PCDH11Y: variants seen among roughly 807,000 people sequenced by gnomAD.
PCDH11Y encodes protocadherin-11 Y-linked.
For synonymous variants in PCDH11Y, 9 were observed against 83.6 expected (o/e 0.11, Z 4.87); for missense variants, 12 against 224.8 (o/e 0.05, Z 6.05).
intron 3 of PCDH11Y, among the ~76,000 whole-genome samples, chrY:5,529,902 A>G: frequency 3.0e-5 from 1 of 33,269 alleles, no homozygotes. Context: ...TTATATGCAC[A>G]TAAAAATAAA....
intron 2 of PCDH11Y, among the ~76,000 whole-genome samples, chrY:5,157,987 T>A (rs1602877764): frequency 6.3e-3 from 209 of 33,096 alleles, no homozygotes; most frequent in Admixed American, 0.015. Context: ...AGCTAGATAT[T>A]TTTTTCTGAC....
intron 2 of PCDH11Y, among the ~76,000 whole-genome samples, chrY:5,479,807 T>C: frequency 3.0e-5 from 1 of 33,790 alleles, no homozygotes; most frequent in Non-Finnish European, 7.3e-5. Context: ...TATCCGTTCT[T>C]CCACTTTATC....
At chrY:5,177,256 CAGTT>C (rs2052894664) in intron 2 of PCDH11Y, among the ~76,000 whole-genome samples, 1 of 33,369 alleles carries the variant, frequency 3.0e-5, no homozygotes, top group African/African-American at 1.2e-4. Context: ...CTAGGAATAA[CAGTT>C]AGTACAACGC....
rs1482050401 is a variant in PCDH11Y, at chrY:5,185,141, G to A, written c.3129+84434G>A. Among the ~76,000 whole-genome samples, 9 of 32,160 alleles carry A rather than the reference G, an allele frequency of 2.8e-4. No homozygotes were observed. The East Asian group carries it at 3.4e-3, about 12-fold the overall frequency. 86.3% of individuals were successfully genotyped at this position (32,160 alleles called of 37,273 possible). A position where few individuals can be genotyped will look rare whatever the true frequency, so the allele number is the denominator to read the frequency against. On this transcript the variant is annotated intron_variant, in intron 2 of 4. Transcript: ENST00000400457. Reference sequence around the variant, plus strand: ...GTCTCCTACGCTGGAGTGCAGTGGCGCAATCTCAGCTCACTACAAACTCCA... The same window carrying A: ...GTCTCCTACGCTGGAGTGCAGTGGCACAATCTCAGCTCACTACAAACTCCA...
At chrY:5,603,130 T>C in intron 4 of PCDH11Y, among the ~76,000 whole-genome samples, 1 of 30,683 alleles carries the variant, frequency 3.3e-5, no homozygotes, top group Non-Finnish European at 7.8e-5. Context: ...TTTGTAAGCA[T>C]AGTAAAGCAA....
chrY:5,511,890 T>A (rs1602936241), intron 3 of PCDH11Y, among the ~76,000 whole-genome samples: 8 of 33,227 alleles, frequency 2.4e-4, no homozygotes, highest in African/African-American at 4.7e-4. Context: ...ATATTCTGTT[T>A]CTTTCTTAGT....
intron 1 of PCDH11Y, among the ~76,000 whole-genome samples, chrY:5,021,428 T>C (rs2052569546): frequency 3.0e-5 from 1 of 33,573 alleles, no homozygotes; most frequent in Non-Finnish European, 7.4e-5. Flanking sequence ...CTCGGGAGGC[T>C]GAGGCACAAG....
At chrY:5,399,791 C>T in intron 2 of PCDH11Y, among the ~76,000 whole-genome samples, 2 of 32,722 alleles carry the variant, frequency 6.1e-5, no homozygotes, top group Non-Finnish European at 1.5e-4. Flanking sequence ...TGAGCCACTG[C>T]GCTCAGCCTG....
chrY:5,699,563 C>T (rs2053575536), intron 4 of PCDH11Y, among the ~76,000 whole-genome samples: 1 of 33,911 alleles, frequency 2.9e-5, no homozygotes. Flanking sequence ...GATCCTAGTC[C>T]CATCTAAAGA....
intron 2 of PCDH11Y, among the ~76,000 whole-genome samples, chrY:5,499,362 A>G (rs2053349870): frequency 6.0e-5 from 2 of 33,198 alleles, no homozygotes; most frequent in African/African-American, 2.4e-4. Flanking sequence ...TCAGCAGACT[A>G]TTTCTCATTA....
chrY:5,018,655 C>T, intron 1 of PCDH11Y, among the ~76,000 whole-genome samples: 2 of 29,940 alleles, frequency 6.7e-5, no homozygotes, highest in Non-Finnish European at 8.0e-5. Context: ...AACTGATTTT[C>T]TTCCAAATTA....
chrY:5,008,838 TAA>T (rs2052543245), intron 1 of PCDH11Y, among the ~76,000 whole-genome samples: 1 of 31,412 alleles, frequency 3.2e-5, no homozygotes, highest in African/African-American at 1.3e-4. Context: ...CTAATAGGGC[TAA>T]AACAATGAAC....
intron 2 of PCDH11Y, among the ~76,000 whole-genome samples, chrY:5,276,667 A>G (rs2053044892): frequency 6.1e-5 from 2 of 32,811 alleles, no homozygotes; most frequent in Non-Finnish European, 1.5e-4. Context: ...TCTTATCCCC[A>G]TAGCAACTCA....
intron 2 of PCDH11Y, among the ~76,000 whole-genome samples, chrY:5,429,939 G>C: frequency 3.1e-5 from 1 of 32,458 alleles, no homozygotes; most frequent in Non-Finnish European, 7.5e-5. Context: ...CAAAGTACTG[G>C]GATTATAGGG....
At chrY:5,219,810 A>G (rs2052950797) in intron 2 of PCDH11Y, among the ~76,000 whole-genome samples, 3 of 33,759 alleles carry the variant, frequency 8.9e-5, no homozygotes, top group African/African-American at 2.3e-4. Context: ...AAAACAAACA[A>G]AAAAAACACT....
chrY:5,673,637 G>T, intron 4 of PCDH11Y, among the ~76,000 whole-genome samples: 16 of 31,209 alleles, frequency 5.1e-4, no homozygotes, highest in Admixed American at 4.8e-3. Flanking sequence ...CAGGGTAGGG[G>T]TATTTATTTA....
chrY:5,069,166 A>T, intron 1 of PCDH11Y, among the ~76,000 whole-genome samples: 3 of 33,194 alleles, frequency 9.0e-5, no homozygotes, highest in Non-Finnish European at 2.2e-4. Flanking sequence ...GCTTGTACAT[A>T]GGGTGAATTT....
chrY:5,718,849 C>A, intron 4 of PCDH11Y, among the ~76,000 whole-genome samples: 1 of 33,006 alleles, frequency 3.0e-5, no homozygotes, highest in Non-Finnish European at 7.4e-5. Context: ...AAAGTTTCAA[C>A]GTTCCTAGAG....
intron 4 of PCDH11Y, among the ~76,000 whole-genome samples, chrY:5,621,185 A>G (rs1602952745): frequency 3.0e-5 from 1 of 32,973 alleles, no homozygotes. Flanking sequence ...CTGATAAGCA[A>G]CTTCAGCAAA....
Sources: allele counts gnomAD v4.1 joint callset (sites outside exome capture counted in the v4.1 genomes callset), GRCh38; gene constraint gnomAD v4.1.1; transcripts MANE v1.5; gene names NCBI Gene and HGNC (gene_info 2026-07-23, HGNC 2026-07-21).